Variants in ZNF705G observed in about 807,000 individuals in gnomAD.
ZNF705G encodes putative zinc finger protein 705G.
A neutral mutation model predicts 19.6 loss-of-function variants in ZNF705G; 23 were observed. That is an observed-to-expected ratio of 1.17 (90% CI 0.84 to 1.66). ZNF705G has a LOEUF of 1.66. Ranked by LOEUF, ZNF705G falls within the 40% of genes most tolerant of loss-of-function variation. ZNF705G has a pLI of 0.00. For synonymous variants in ZNF705G, 146 were observed against 117.7 expected, an observed-to-expected ratio of 1.24 and a Z score of -1.56; for missense variants, 457 against 354.4, an observed-to-expected ratio of 1.29 and a Z score of -2.32.
At chr8:7,360,061 G>A (rs1351873374) in intron 5 of ZNF705G, among the ~76,000 whole-genome samples, 176 bp downstream of exon 5, 7 of 149,418 alleles carry the variant, frequency 4.7e-5, no homozygotes, top group Non-Finnish European at 1.0e-4. Context: ...GGACACAAGA[G>A]TAGCATCTGA....
chr8:7,381,153 G>T (rs1807480945), intron 2 of ZNF705G, among the ~76,000 whole-genome samples: 1 of 123,290 alleles, frequency 8.1e-6, no homozygotes, highest in South Asian at 2.6e-4. Context: ...GATTCACATG[G>T]AAATGGTTTG....
chr8:7,370,298 A>G (rs1807045492), intron 2 of ZNF705G, among the ~76,000 whole-genome samples: 1 of 148,410 alleles, frequency 6.7e-6, no homozygotes, highest in South Asian at 2.1e-4. Flanking sequence ...CAAAGATCTG[A>G]GTAGACATTT....
chr8:7,357,915 T>C lies in ZNF705G; in HGVS notation c.*61A>G, dbSNP rs201284575. 3.7e-4 allele frequency: 585 copies of C among 1,601,774 alleles called. 5 individuals carry two copies. The highest frequency in any genetic ancestry group is 4.7e-4 in the Non-Finnish European group (556 of 1,177,354). ...TGCTCTTTAAGATTAGTACATTGTC[T>C]GAAGGCTTTCCCACATAAATGGCAT... On this transcript the variant is annotated 3_prime_UTR_variant, in exon 7 of 7. Transcript: ENST00000400156.
chr8:7,365,910 C>T (rs1339393017), intron 2 of ZNF705G, among the ~76,000 whole-genome samples: 1 of 149,336 alleles, frequency 6.7e-6, no homozygotes, highest in Non-Finnish European at 1.5e-5. Context: ...TATTGTTTTG[C>T]CTGTCCTTTC....
At chr8:7,382,270 C>T (rs4110303) in intron 1 of ZNF705G, among the ~76,000 whole-genome samples, 3 of 144,016 alleles carry the variant, frequency 2.1e-5, no homozygotes, top group East Asian at 2.0e-4. Context: ...TATGGCATGG[C>T]TGTAACCTGA....
intron 2 of ZNF705G, among the ~76,000 whole-genome samples, chr8:7,363,345 T>C (rs1304869768): frequency 1.3e-5 from 2 of 148,256 alleles, no homozygotes; most frequent in African/African-American, 5.3e-5. Context: ...CATCCACATG[T>C]GGAATATGAT....
intron 2 of ZNF705G, among the ~76,000 whole-genome samples, chr8:7,369,268 C>T (rs1371057225): frequency 2.0e-5 from 3 of 149,504 alleles, no homozygotes; most frequent in South Asian, 4.2e-4. Context: ...GAAGCCTTTG[C>T]CTGGATTTCT....
chr8:7,363,946 C>A (rs768118120), intron 2 of ZNF705G, among the ~76,000 whole-genome samples: 1 of 149,482 alleles, frequency 6.7e-6, no homozygotes, highest in South Asian at 2.1e-4. Context: ...AGCAGGAGTA[C>A]CCCGAGTCAT....
At chr8:7,369,935 T>C (rs1273378600) in intron 2 of ZNF705G, among the ~76,000 whole-genome samples, 1 of 148,774 alleles carries the variant, frequency 6.7e-6, no homozygotes. Context: ...ATCTATTGGG[T>C]ATTATGTTTT....
At chr8:7,370,444 C>G (rs578011029) in intron 2 of ZNF705G, among the ~76,000 whole-genome samples, 2 of 149,604 alleles carry the variant, frequency 1.3e-5, no homozygotes, top group East Asian at 3.9e-4. Context: ...AGATGTATAA[C>G]AAGTATTAGT....
At chr8:7,366,965 T>C (rs1441482762) in intron 2 of ZNF705G, among the ~76,000 whole-genome samples, 1 of 149,644 alleles carries the variant, frequency 6.7e-6, no homozygotes, top group Admixed American at 6.6e-5. Context: ...CATTTAGTTA[T>C]TTAATTATAA....
At chr8:7,365,852 C>T (rs1355467542) in intron 2 of ZNF705G, among the ~76,000 whole-genome samples, 1 of 149,608 alleles carries the variant, frequency 6.7e-6, no homozygotes, top group African/African-American at 2.6e-5. Flanking sequence ...TCCTGGACAA[C>T]AAAACCATGT....
chr8:7,366,254 A>C lies in ZNF705G; in HGVS notation c.-71-3237T>G, dbSNP rs561421741. Reference sequence around the variant, plus strand: ...TTGCAAGCCTCTCATGGCTTCCAACATCCAATATATTCAAAGCAGTTCAGG... The same window carrying C: ...TTGCAAGCCTCTCATGGCTTCCAACCTCCAATATATTCAAAGCAGTTCAGG... On this transcript the variant is annotated intron_variant, in intron 2 of 6. Transcript: ENST00000400156. Among the ~76,000 whole-genome samples the C allele has an allele frequency of 5.7e-3, 848 of 148,926 alleles. 16 individuals are homozygous for C. Among genetic ancestry groups the C allele is most frequent in the Non-Finnish European group, 7.7e-3 (525 of 67,938 alleles).
intron 2 of ZNF705G, among the ~76,000 whole-genome samples, chr8:7,368,656 G>T (rs920047039): frequency 2.0e-5 from 3 of 149,932 alleles, no homozygotes; most frequent in Admixed American, 1.3e-4. Flanking sequence ...TGAAGAAAGG[G>T]CCTCAAAGAC....
chr8:7,359,652 G>T lies in ZNF705G; in HGVS notation c.285C>A (p.Ile95=). The T allele has an allele frequency of 1.2e-6, 2 of 1,606,846 alleles. No homozygotes were observed. The highest frequency in any genetic ancestry group is 1.7e-6 in the Non-Finnish European group (2 of 1,179,322). ...KKTHMISMHP[I]TRKDASTSMT... is the part of the protein sequence containing the mutation. ...TACTGGTGGATGCGTCTTTTCTGGT[G>T]ATAGGATGCATGGATATCATGTGTG... The change falls in exon 6 of 7, where the codon ATC becomes ATA. Residue 95 remains isoleucine (I), a synonymous_variant. Transcript: ENST00000400156.
chr8:7,370,676 C>T (rs1161549103), intron 2 of ZNF705G, among the ~76,000 whole-genome samples: 1 of 138,372 alleles, frequency 7.2e-6, no homozygotes, highest in Non-Finnish European at 1.5e-5. Flanking sequence ...AGACCTACAA[C>T]CAGAAATACC....
At position 7,356,776 on chromosome 8, in the gene ZNF705G, G is replaced by T. The variant is rs1189275894; in HGVS notation, c.*1200C>A. ...GTTAGGGCCGCATAAATGAAACAAG[G>T]GCTTTGCCAACATACTAAGTTTTTT... is the stretch of plus-strand genomic sequence containing the variant. On this transcript the variant is annotated 3_prime_UTR_variant, in exon 7 of 7. Coordinates refer to ENST00000400156, the MANE Select transcript of ZNF705G (RefSeq NM_001164457.3). 6.7e-6 allele frequency: 1 copy of T among 149,632 alleles called. No individual in the cohort carries two copies. The highest frequency in any genetic ancestry group is 2.6e-5 in the African/African-American group (1 of 39,054). The allele number at this position is 149,632 out of a possible 1,614,324, so 9.3% of individuals were successfully genotyped here.
Position 7,358,213 on chromosome 8 carries a change from G to A in ZNF705G, c.666C>T (p.His222=). Residue 222 remains histidine, a synonymous_variant, in exon 7 of 7, where the codon CAC becomes CAT. Transcript: ENST00000400156. ...CSHLRRHEKT[H]TGQRPYKCHQ... ...GACACTTATATGGTCTCTGTCCCGT[G>A]TGAGTTTTCTCGTGTCTTCTAAGGT... 2 of 1,607,656 alleles carry A rather than the reference G, an allele frequency of 1.2e-6. No homozygotes were observed. The highest frequency in any genetic ancestry group is 2.2e-5 in the East Asian group (1 of 44,864).
At position 7,358,353 on chromosome 8, in the gene ZNF705G, G is replaced by T. The variant is rs1428245879; in HGVS notation, c.526C>A (p.Leu176Ile). 1.2e-6 allele frequency: 2 copies of T among 1,607,452 alleles called. No homozygotes were observed. The highest frequency in any genetic ancestry group is 1.7e-6 in the Non-Finnish European group (2 of 1,179,620). ...CAATTAGTATAGGCCTTTTCACATA[G>T]ATTACACTGATATGATTTACCTTTA... Reference protein sequence around the residue: ...HTKGKSYQCNLCEKAYTNCFH... With the variant: ...HTKGKSYQCNICEKAYTNCFH... Residue 176 changes from leucine to isoleucine, a missense_variant, in exon 7 of 7, where the codon CTA becomes ATA. Leu to Ile is a conservative substitution (Grantham distance 5). Transcript: ENST00000400156.
Sources: gnomAD v4.1 joint callset for allele counts (sites outside exome capture counted in the v4.1 genomes callset) on GRCh38, gnomAD v4.1.1 for gene constraint, MANE v1.5 for transcripts, NCBI Gene and HGNC (gene_info 2026-07-23, HGNC 2026-07-21) for gene names.